The following DLGAP2 variants were observed in gnomAD, a reference collection of about 807,000 sequenced individuals.
The protein encoded by DLGAP2 is DLG associated protein 2, also known as disks large-associated protein 2.
DLGAP2 carries 26 observed loss-of-function variants against 100.3 expected under a neutral mutation model. The ratio of observed to expected loss-of-function variants is 0.26; its 90% confidence interval spans 0.19 to 0.36. The LOEUF (loss-of-function observed/expected upper bound fraction) is 0.36, where lower values mean the gene tolerates loss of function less well. Among genes scored for constraint, DLGAP2 ranks in the 10% least tolerant of loss-of-function variants. The pLI is 1.00. For synonymous variants in DLGAP2, 886 were observed against 630.1 expected (o/e 1.41, Z -6.08); for missense variants, 1,858 against 1,453.2 (o/e 1.28, Z -4.53).
intron 8 of DLGAP2, among the ~76,000 whole-genome samples, chr8:1,633,600 A>G (rs1317289872): frequency 1.3e-5 from 2 of 152,204 alleles, no homozygotes; most frequent in African/African-American, 2.4e-5. Flanking sequence ...TTGAAAATTT[A>G]CCGCCCAACC....
At position 1,077,343 on chromosome 8, in the gene DLGAP2, C is replaced by T. The variant is rs115547588; in HGVS notation, c.73+169377C>T. Among the ~76,000 whole-genome samples, 568 of 152,252 alleles carry T rather than the reference C, an allele frequency of 3.7e-3. 3 individuals carry two copies. Among genetic ancestry groups the T allele is most frequent in the African/African-American group, 0.013 (552 of 41,530 alleles). ...CATGCCCCTGCAGGGCACAGTTCTA[C>T]CCACACCTGTTAGTAAACACTCAGC... On this transcript the variant is annotated intron_variant, in intron 2 of 14. Transcript: ENST00000637795.
intron 3 of DLGAP2, among the ~76,000 whole-genome samples, chr8:1,446,736 G>T (rs1797994931): frequency 6.6e-6 from 1 of 152,084 alleles, no homozygotes; most frequent in African/African-American, 2.4e-5. Context: ...ATGGAATGTT[G>T]TTTCATTTCT....
intron 4 of DLGAP2, among the ~76,000 whole-genome samples, chr8:1,519,217 G>A (rs6996640): frequency 7.9e-5 from 12 of 152,260 alleles, no homozygotes; most frequent in African/African-American, 2.2e-4. Flanking sequence ...CCTGGAAAGT[G>A]AAGAACACCA....
intron 4 of DLGAP2, among the ~76,000 whole-genome samples, chr8:1,508,117 A>C (rs1799997791): frequency 6.6e-6 from 1 of 151,874 alleles, no homozygotes; most frequent in Non-Finnish European, 1.5e-5. Flanking sequence ...AACACATCAG[A>C]TACCTTTAAA....
At chr8:966,780 G>A (rs868842685) in intron 2 of DLGAP2, among the ~76,000 whole-genome samples, 9 of 152,242 alleles carry the variant, frequency 5.9e-5, no homozygotes, top group South Asian at 2.1e-4. Context: ...CATTTCCTAC[G>A]CTAGAAATGA....
intron 4 of DLGAP2, among the ~76,000 whole-genome samples, chr8:1,541,096 G>A (rs113558006): frequency 3.3e-5 from 5 of 152,216 alleles, no homozygotes; most frequent in East Asian, 1.9e-4. Context: ...TGTGTTATTC[G>A]GAGCAATTCC....
intron 2 of DLGAP2, among the ~76,000 whole-genome samples, chr8:926,165 C>G (rs546186171): frequency 2.6e-5 from 4 of 152,108 alleles, no homozygotes; most frequent in Non-Finnish European, 4.4e-5. Flanking sequence ...CGCCTGTGGT[C>G]GTGCCTGTAC....
At position 1,037,687 on chromosome 8, in the gene DLGAP2, C is replaced by T. The variant is rs1411219761; in HGVS notation, c.73+129721C>T. On this transcript the variant is annotated intron_variant, in intron 2 of 14. Transcript: ENST00000637795. Reference sequence around the variant, plus strand: ...GCCCTTGCTGGGTTCTTGTCCTTATCGGGAAGAAGTTTAACCAAAGAGGAA... The same window carrying T: ...GCCCTTGCTGGGTTCTTGTCCTTATTGGGAAGAAGTTTAACCAAAGAGGAA... 3.3e-5 allele frequency among the ~76,000 whole-genome samples: 5 copies of T among 152,158 alleles called. No homozygotes were observed. The South Asian group carries it at 6.2e-4, about 19-fold the overall frequency.
intron 2 of DLGAP2, among the ~76,000 whole-genome samples, chr8:973,406 G>A (rs868743494): frequency 9.2e-5 from 14 of 151,854 alleles, no homozygotes; most frequent in African/African-American, 2.4e-4. Flanking sequence ...CGGGGCGGCC[G>A]GGCAGAGACG....
intron 2 of DLGAP2, among the ~76,000 whole-genome samples, chr8:1,243,236 C>G (rs558324704): frequency 3.3e-5 from 5 of 152,322 alleles, no homozygotes; most frequent in Non-Finnish European, 5.9e-5. Context: ...CTGCAGGCCC[C>G]TGCCCTGGGG....
chr8:1,332,084 CACAGCCCATCCCCA>C (rs1801169619), intron 3 of DLGAP2, among the ~76,000 whole-genome samples: 1 of 152,208 alleles, frequency 6.6e-6, no homozygotes, highest in African/African-American at 2.4e-5. Context: ...CATGGCCTGG[CACAGCCCATCCCCA>C]ACAGCCACCT....
intron 10 of DLGAP2, among the ~76,000 whole-genome samples, chr8:1,675,841 T>TA (rs1037907064): frequency 3.9e-5 from 6 of 152,018 alleles, no homozygotes; most frequent in African/African-American, 1.2e-4. Context: ...TTTTTTTTTT[T>TA]AGAGAACGTA....
intron 2 of DLGAP2, among the ~76,000 whole-genome samples, chr8:1,082,470 C>T (rs550723794): frequency 5.9e-5 from 9 of 152,262 alleles, no homozygotes; most frequent in Admixed American, 5.9e-4. Context: ...TTGGGGGTGC[C>T]GTGGCTCTCA....
intron 3 of DLGAP2, among the ~76,000 whole-genome samples, chr8:1,335,681 C>G (rs1453327903): frequency 1.3e-5 from 2 of 152,146 alleles, no homozygotes; most frequent in Non-Finnish European, 2.9e-5. Flanking sequence ...GAGAGCAATC[C>G]AGGAAGAACA....
At chr8:796,580 A>G (rs1796041474) in intron 1 of DLGAP2, among the ~76,000 whole-genome samples, 3 of 152,002 alleles carry the variant, frequency 2.0e-5, no homozygotes. Flanking sequence ...CCTTGGTCTG[A>G]GTGGATTCCT....
chr8:1,478,359 C>T lies in DLGAP2; in HGVS notation c.107-23007C>T, dbSNP rs192340558. ...TGAGCACCCCTCAGCTCATGTGAGA[C>T]GTGGTGTGTGTAGACATAGCATATT... On this transcript the variant is annotated intron_variant, in intron 3 of 14. Transcript: ENST00000637795. 9.6e-4 allele frequency among the ~76,000 whole-genome samples: 146 copies of T among 152,294 alleles called. 1 individual carries two copies. Among genetic ancestry groups the T allele is most frequent in the African/African-American group, 2.1e-3 (86 of 41,558 alleles).
intron 8 of DLGAP2, among the ~76,000 whole-genome samples, chr8:1,645,029 AGGTTAGAGAGAGCTCTGAT>A (rs1382564601): frequency 2.3e-4 from 35 of 152,246 alleles, no homozygotes; most frequent in Non-Finnish European, 4.3e-4. Flanking sequence ...CAGGCATTCA[AGGTTAGAGAGAGCTCTGAT>A]GGCACCACAG....
chr8:1,267,810 C>G (rs915368559), intron 3 of DLGAP2, among the ~76,000 whole-genome samples: 1 of 151,964 alleles, frequency 6.6e-6, no homozygotes, highest in East Asian at 1.9e-4. Context: ...CCACGCTGAG[C>G]TCAGTGCTGG....
At chr8:830,894 CTTTTTT>C (rs5888818) in intron 1 of DLGAP2, among the ~76,000 whole-genome samples, 2 of 110,648 alleles carry the variant, frequency 1.8e-5, no homozygotes, top group Admixed American at 9.2e-5. Context: ...TCAGCTGTGA[CTTTTTT>C]TTTTTTTTTT....
Sources: gnomAD v4.1 joint callset for allele counts (sites outside exome capture counted in the v4.1 genomes callset) on GRCh38, gnomAD v4.1.1 for gene constraint, MANE v1.5 for transcripts, NCBI Gene and HGNC (gene_info 2026-07-23, HGNC 2026-07-21) for gene names.